The following PRH1 variants were observed in gnomAD, a reference collection of about 807,000 sequenced individuals.
The protein encoded by PRH1 is proline rich protein HaeIII subfamily 1.
PRH1 carries 7 observed loss-of-function variants against 7.9 expected under a neutral mutation model. The ratio of observed to expected loss-of-function variants is 0.89; its 90% CI spans 0.50 to 1.67. The LOEUF is 1.67. Among genes scored for constraint, PRH1 ranks in the 40% most tolerant of loss-of-function variants. The pLI is 0.00. For synonymous variants in PRH1, 45 were observed against 80.8 expected (o/e 0.56, Z 2.38); for missense variants, 109 against 223.6 (o/e 0.49, Z 3.27).
At chr12:10,977,682 C>T (rs1257061698) in intron 1 of PRH1, among the ~76,000 whole-genome samples, 2 of 152,114 alleles carry the variant, frequency 1.3e-5, no homozygotes, top group Non-Finnish European at 2.9e-5. Flanking sequence ...CCAAAATCTC[C>T]TTGATCTTAC....
chr12:11,064,415 T>C (rs1346251293), intron 1 of PRH1, among the ~76,000 whole-genome samples: 5 of 152,066 alleles, frequency 3.3e-5, no homozygotes, highest in South Asian at 2.1e-4. Flanking sequence ...GATCTATCCT[T>C]AATATATATT....
intron 1 of PRH1, chr12:11,092,296 G>A: frequency 9.2e-7 from 1 of 1,087,920 alleles, no homozygotes. Context: ...CCTGCAGGTG[G>A]GTTCGTGGTC....
intron 1 of PRH1, among the ~76,000 whole-genome samples, chr12:11,137,155 C>A (rs1039350821): frequency 2.4e-4 from 36 of 152,236 alleles, no homozygotes; most frequent in African/African-American, 7.5e-4. Flanking sequence ...CTCAAAATGT[C>A]ATTACAATTA....
At chr12:11,019,906 C>G (rs899988731) in intron 1 of PRH1, among the ~76,000 whole-genome samples, 2 of 152,290 alleles carry the variant, frequency 1.3e-5, no homozygotes, top group Non-Finnish European at 2.9e-5. Context: ...CTGGCACTCA[C>G]AGGTGACCCT....
chr12:11,125,470 T>C (rs1037596341), intron 1 of PRH1, among the ~76,000 whole-genome samples: 3 of 152,300 alleles, frequency 2.0e-5, no homozygotes, highest in African/African-American at 7.2e-5. Flanking sequence ...TCACAAAATC[T>C]GGGTGATTTT....
At chr12:11,026,098 G>C (rs1175602148) in intron 1 of PRH1, among the ~76,000 whole-genome samples, 1 of 152,178 alleles carries the variant, frequency 6.6e-6, no homozygotes, top group Admixed American at 6.5e-5. Context: ...TACAGTGGCA[G>C]GATCATAGTC....
At chr12:11,017,647 G>C (rs1203112016) in intron 1 of PRH1, among the ~76,000 whole-genome samples, 1 of 151,940 alleles carries the variant, frequency 6.6e-6, no homozygotes, top group Non-Finnish European at 1.5e-5. Context: ...ACCATGCCTG[G>C]CTAAATTTTT....
At position 10,882,345 on chromosome 12, in the gene PRH1, G is replaced by C. The variant is rs532537475; in HGVS notation, c.454C>G (p.Gln152Glu). 2 of 1,605,716 alleles carry C rather than the reference G, an allele frequency of 1.2e-6. No individual in the cohort carries two copies. Among genetic ancestry groups the C allele is most frequent in the East Asian group, 4.5e-5 (2 of 44,736 alleles). ...PRGRPQGPPQ[Q>E]GGHQQGPPPP... The stretch of plus-strand genomic sequence containing the variant: ...GGAGGACCTTGCTGATGGCCTCCCT[G>C]TTGGGGTGGTCCTTGTGGCCTTCCT... The change falls in exon 3 of 4, where the codon CAG becomes GAG. Residue 152 changes from glutamine (Q) to glutamate (E), a missense_variant. Around this residue, in one of 3 missense-constraint regions of PRH1, gnomAD observed 45 missense variants for 88.8 expected, o/e 0.51. Transcript: ENST00000543626.
intron 1 of PRH1, among the ~76,000 whole-genome samples, chr12:11,001,646 T>C (rs1940601711): frequency 6.6e-6 from 1 of 152,148 alleles, no homozygotes; most frequent in Non-Finnish European, 1.5e-5. Flanking sequence ...ATGGAGCACC[T>C]AGGGAAATTA....
At chr12:11,111,844 G>GA (rs1391933077) in intron 1 of PRH1, among the ~76,000 whole-genome samples, 1 of 151,878 alleles carries the variant, frequency 6.6e-6, no homozygotes, top group Non-Finnish European at 1.5e-5. Context: ...AAACCCTTCA[G>GA]AAAATCAATG....
At chr12:11,078,274 T>G (rs79163359) in intron 1 of PRH1, 52,260 of 189,946 alleles carry the variant, frequency 0.28, 8,003 homozygotes, top group Non-Finnish European at 0.32. Context: ...AAAATTGCAG[T>G]CTTAATAACA....
At chr12:11,119,086 T>A (rs1255525512), downstream of PRH1, among the ~76,000 whole-genome samples, 1 of 151,968 alleles carries the variant, frequency 6.6e-6, no homozygotes, top group East Asian at 1.9e-4. Flanking sequence ...AATGAGATCC[T>A]GTCATTTGCA....
intron 1 of PRH1, among the ~76,000 whole-genome samples, chr12:11,163,219 A>T (rs1240430734): frequency 6.6e-6 from 1 of 152,192 alleles, no homozygotes; most frequent in Admixed American, 6.5e-5. Flanking sequence ...TTGGTTACCT[A>T]TAGGAAAGGA....
At chr12:11,065,713 A>T (rs1943779050) in intron 1 of PRH1, among the ~76,000 whole-genome samples, 1 of 152,196 alleles carries the variant, frequency 6.6e-6, no homozygotes, top group Non-Finnish European at 1.5e-5. Flanking sequence ...CTTCTTAAAA[A>T]ATAGTTTTTG....
At chr12:11,061,318 A>G (rs1203427074) in intron 1 of PRH1, 1 of 1,531,056 alleles carries the variant, frequency 6.5e-7, no homozygotes, top group Non-Finnish European at 8.9e-7. Flanking sequence ...GCTTCATATA[A>G]CACGTTTGTT....
intron 1 of PRH1, among the ~76,000 whole-genome samples, chr12:11,164,834 C>T (rs1198476792): frequency 1.3e-5 from 2 of 152,034 alleles, no homozygotes; most frequent in African/African-American, 4.8e-5. Flanking sequence ...ATACAGTTTA[C>T]TTTTGGCAAA....
At chr12:11,047,740 T>C (rs1041884778), upstream of PRH1, among the ~76,000 whole-genome samples, 6 of 127,318 alleles carry the variant, frequency 4.7e-5, no homozygotes, top group Non-Finnish European at 1.1e-4. Context: ...TGTATGTATG[T>C]TTGTCACTCA....
chr12:11,127,493 T>C (rs865795077), intron 1 of PRH1, among the ~76,000 whole-genome samples: 4 of 116,890 alleles, frequency 3.4e-5, no homozygotes, highest in Non-Finnish European at 8.2e-5. Flanking sequence ...TCCCAACTTT[T>C]CTACCAAAAG....
At chr12:10,911,853 A>G (rs1949904821) in intron 2 of PRH1, among the ~76,000 whole-genome samples, 1 of 152,208 alleles carries the variant, frequency 6.6e-6, no homozygotes, top group Non-Finnish European at 1.5e-5. Flanking sequence ...AGAACTTTGT[A>G]AACCCCATAA....
Sources: gnomAD v4.1 joint callset for allele counts (sites outside exome capture counted in the v4.1 genomes callset) on GRCh38, gnomAD v4.1.1 for gene constraint, gnomAD v4.1.1 regional missense constraint, MANE v1.5 for transcripts, NCBI Gene and HGNC (gene_info 2026-07-23, HGNC 2026-07-21) for gene names.